The following DNAJC6 variants were observed in gnomAD, a reference collection of about 807,000 sequenced individuals.
The protein encoded by DNAJC6 is auxilin.
DNAJC6 carries 34 observed loss-of-function variants against 110.0 expected under a neutral mutation model. The ratio of observed to expected loss-of-function variants is 0.31; its 90% confidence interval spans 0.24 to 0.41. The LOEUF (loss-of-function observed/expected upper bound fraction) is 0.41. Among genes scored for constraint, DNAJC6 ranks in the 10% least tolerant of loss-of-function variants. The pLI, the probability that DNAJC6 is intolerant of heterozygous loss-of-function variation, is 1.00. For missense variants in DNAJC6, 1,031 were observed against 1,207.8 expected, an observed-to-expected ratio of 0.85 and a Z score of 2.17; for synonymous variants, 406 against 437.2, an observed-to-expected ratio of 0.93 and a Z score of 0.89.
At chr1:65,325,459 T>C (rs1321520134) in intron 1 of DNAJC6, among the ~76,000 whole-genome samples, 1 of 152,202 alleles carries the variant, frequency 6.6e-6, no homozygotes, top group Non-Finnish European at 1.5e-5. Flanking sequence ...GAGTTGAGAA[T>C]ATCTAGGTCA....
chr1:65,391,416 G>T (rs1645924207), intron 11 of DNAJC6, among the ~76,000 whole-genome samples: 1 of 152,138 alleles, frequency 6.6e-6, no homozygotes, highest in African/African-American at 2.4e-5. Flanking sequence ...GGCTTAGAAG[G>T]TCACTCCTTC....
At chr1:65,311,480 C>G (rs1170654730) in intron 1 of DNAJC6, among the ~76,000 whole-genome samples, 12 of 152,166 alleles carry the variant, frequency 7.9e-5, no homozygotes, top group Admixed American at 7.9e-4. Context: ...CTGCCTCGGC[C>G]TCCCAAAGTG....
chr1:65,300,817 A>T (rs1644971965), intron 1 of DNAJC6, among the ~76,000 whole-genome samples: 1 of 152,182 alleles, frequency 6.6e-6, no homozygotes, highest in African/African-American at 2.4e-5. Flanking sequence ...CAGCACCCTA[A>T]GAATTTGTTC....
chr1:65,305,012 A>G (rs4916040), upstream of DNAJC6, among the ~76,000 whole-genome samples: 68,492 of 152,166 alleles, frequency 0.45, 15,390 homozygotes, highest in East Asian at 0.52. Context: ...GCCTTATTCA[A>G]TAAGGAGATA....
intron 1 of DNAJC6, among the ~76,000 whole-genome samples, chr1:65,324,045 G>A (rs914803182): frequency 1.3e-5 from 2 of 152,204 alleles, no homozygotes; most frequent in Non-Finnish European, 2.9e-5. Context: ...GTAAGGCAGT[G>A]TTGAGAATAT....
intron 1 of DNAJC6, among the ~76,000 whole-genome samples, chr1:65,296,586 CTTTTTTTTTTTT>C (rs11393548): frequency 8.1e-6 from 1 of 123,534 alleles, no homozygotes; most frequent in Non-Finnish European, 1.6e-5. Flanking sequence ...TTCGACACAT[CTTTTTTTTTTTT>C]TTTTTTTGAG....
chr1:65,396,722 A>ATC (rs980102012), intron 13 of DNAJC6, among the ~76,000 whole-genome samples: 4 of 151,708 alleles, frequency 2.6e-5, no homozygotes, highest in East Asian at 1.9e-4. Flanking sequence ...TTTTTTTGTC[A>ATC]TCTCTCTCTC....
intron 1 of DNAJC6, among the ~76,000 whole-genome samples, chr1:65,354,064 TAGGG>T (rs1645517946): frequency 6.6e-6 from 1 of 152,124 alleles, no homozygotes; most frequent in African/African-American, 2.4e-5. Flanking sequence ...ATATTGCACT[TAGGG>T]GACTGTGAAG....
intron 1 of DNAJC6, among the ~76,000 whole-genome samples, chr1:65,282,110 A>T (rs1395648752): frequency 1.1e-4 from 17 of 152,130 alleles, no homozygotes; most frequent in Non-Finnish European, 1.0e-4. Context: ...ATTTTTTTGT[A>T]GAGACAAAGT....
intron 1 of DNAJC6, among the ~76,000 whole-genome samples, chr1:65,360,914 T>C (rs1557541218): frequency 6.6e-6 from 1 of 151,988 alleles, no homozygotes; most frequent in Non-Finnish European, 1.5e-5. Flanking sequence ...ATGAAAGGTG[T>C]GTGGGTGAGA....
chr1:65,398,239 A>G (rs1645997877), intron 13 of DNAJC6, among the ~76,000 whole-genome samples: 1 of 152,144 alleles, frequency 6.6e-6, no homozygotes. Context: ...ATCCCTGACA[A>G]CCAGCATAGT....
intron 16 of DNAJC6, among the ~76,000 whole-genome samples, chr1:65,407,128 CG>C (rs1646084671): frequency 6.6e-6 from 1 of 152,106 alleles, no homozygotes; most frequent in Non-Finnish European, 1.5e-5. Context: ...TTATGAGTAG[CG>C]TGATGAAACC....
intron 4 of DNAJC6, among the ~76,000 whole-genome samples, chr1:65,373,914 G>C (rs1645733653): frequency 6.6e-6 from 1 of 151,820 alleles, no homozygotes; most frequent in Non-Finnish European, 1.5e-5. Flanking sequence ...TTATATTTTT[G>C]GGTTTTGGAT....
chr1:65,266,836 T>C (rs1653348703), intron 1 of DNAJC6, among the ~76,000 whole-genome samples: 1 of 152,152 alleles, frequency 6.6e-6, no homozygotes, highest in Non-Finnish European at 1.5e-5. Flanking sequence ...GGTTTCTCAG[T>C]GTATCAGTGT....
At chr1:65,352,032 C>G (rs1295605388) in intron 1 of DNAJC6, among the ~76,000 whole-genome samples, 1 of 152,136 alleles carries the variant, frequency 6.6e-6, no homozygotes, top group Non-Finnish European at 1.5e-5. Context: ...TCCCAAAGTG[C>G]TAGGATTACA....
At chr1:65,317,238 C>T (rs149560157) in intron 1 of DNAJC6, among the ~76,000 whole-genome samples, 6 of 152,144 alleles carry the variant, frequency 3.9e-5, no homozygotes, top group East Asian at 1.9e-4. Flanking sequence ...TTCCTTGTTG[C>T]GAAAGGTGTA....
At chr1:65,362,202 G>A (rs911459137) in intron 1 of DNAJC6, among the ~76,000 whole-genome samples, 3 of 49,130 alleles carry the variant, frequency 6.1e-5, no homozygotes, top group African/African-American at 4.3e-4. Context: ...GTTTCTTAAC[G>A]TCTGTGCCTC....
intron 4 of DNAJC6, among the ~76,000 whole-genome samples, chr1:65,376,509 G>A (rs762474878): frequency 2.6e-5 from 4 of 151,464 alleles, no homozygotes; most frequent in East Asian, 1.9e-4. Context: ...CTACTTTTTC[G>A]ATATAGGTGT....
intron 12 of DNAJC6, among the ~76,000 whole-genome samples, 192 bp downstream of exon 12, chr1:65,393,057 C>T (rs1464456060): frequency 2.0e-5 from 3 of 152,116 alleles, no homozygotes; most frequent in Admixed American, 1.3e-4. Flanking sequence ...GGGTAGCACA[C>T]TAAGGTAGTG....
Sources: allele counts gnomAD v4.1 joint callset (sites outside exome capture counted in the v4.1 genomes callset), GRCh38; gene constraint gnomAD v4.1.1; transcripts MANE v1.5; gene names NCBI Gene and HGNC (gene_info 2026-07-23, HGNC 2026-07-21).